Variants in NUP155 observed in about 807,000 individuals in gnomAD.
The protein encoded by NUP155 is nuclear pore complex protein Nup155.
NUP155 carries 71 observed loss-of-function variants against 180.4 expected under a neutral mutation model. The observed-to-expected ratio is 0.39, with a 90% CI of 0.33 to 0.48. The LOEUF (loss-of-function observed/expected upper bound fraction) is 0.48, where lower values mean the gene tolerates loss of function less well. Among genes scored for constraint, NUP155 ranks in the 20% least tolerant of loss-of-function variants. The pLI, the probability that NUP155 is intolerant of heterozygous loss-of-function variation, is 0.91. For missense variants in NUP155, 1,553 were observed against 1,648.9 expected, an observed-to-expected ratio of 0.94 and a Z score of 1.01; for synonymous variants, 582 against 559.5, an observed-to-expected ratio of 1.04 and a Z score of -0.57.
chr5:37,320,839 G>A (rs989910916), intron 20 of NUP155, among the ~76,000 whole-genome samples: 2 of 152,136 alleles, frequency 1.3e-5, no homozygotes, highest in African/African-American at 4.8e-5. Context: ...AGAAGGCAAG[G>A]AAACAAAATG....
intron 16 of NUP155, 133 bp from the exon 17 acceptor site, chr5:37,328,553 G>A (rs1744757682): frequency 6.0e-6 from 4 of 663,160 alleles, no homozygotes; most frequent in African/African-American, 3.6e-5. Flanking sequence ...GCCCAGGCTG[G>A]AGTGCAGTGG....
chr5:37,342,937 G>A (rs1005882936), intron 9 of NUP155, among the ~76,000 whole-genome samples: 4 of 152,026 alleles, frequency 2.6e-5, no homozygotes, highest in Non-Finnish European at 4.4e-5. Flanking sequence ...GGGTTTCATC[G>A]TGTTGGCCAG....
At chr5:37,351,922 A>G (rs1222708763) in intron 5 of NUP155, among the ~76,000 whole-genome samples, 1 of 152,086 alleles carries the variant, frequency 6.6e-6, no homozygotes, top group Non-Finnish European at 1.5e-5. Context: ...TAGTAAGATA[A>G]TAAACAAGAA....
At chr5:37,298,115 T>G (rs992830610) in intron 32 of NUP155, among the ~76,000 whole-genome samples, 4 of 151,972 alleles carry the variant, frequency 2.6e-5, no homozygotes, top group Non-Finnish European at 4.4e-5. Context: ...TGCAGGCACC[T>G]GTAATCCCAC....
chr5:37,313,450 A>C (rs2150951311), intron 22 of NUP155, among the ~76,000 whole-genome samples: 1 of 149,330 alleles, frequency 6.7e-6, no homozygotes, highest in South Asian at 2.2e-4. Flanking sequence ...AAGAAAACAT[A>C]AAATGAAGTA....
At chr5:37,308,566 C>T (rs548117847) in intron 24 of NUP155, among the ~76,000 whole-genome samples, 25 of 152,184 alleles carry the variant, frequency 1.6e-4, no homozygotes, top group African/African-American at 5.3e-4. Context: ...GGCATGGTGG[C>T]AGGCGCCTGT....
At chr5:37,349,674 AATTG>A (rs1255756200) in intron 7 of NUP155, among the ~76,000 whole-genome samples, 1 of 152,194 alleles carries the variant, frequency 6.6e-6, no homozygotes, top group Non-Finnish European at 1.5e-5. Context: ...AGTTTGGCCT[AATTG>A]ATTGTGTGAA....
rs538753498 is a variant in NUP155, at chr5:37,300,194, G to A, written c.3562-626C>T. Among the ~76,000 whole-genome samples, 5 of 152,000 alleles carry A rather than the reference G, an allele frequency of 3.3e-5. No homozygotes were observed. The East Asian group carries it at 7.7e-4, about 23-fold the overall frequency. On this transcript the variant is annotated intron_variant, in intron 30 of 34. Coordinates refer to ENST00000231498, the MANE Select transcript of NUP155 (RefSeq NM_153485.3). ...GTACACAGTAGGTGTATGTATTTATGGGGTACATGAGATGTTCTGATACAG... is the reference window on the plus strand; with the variant it reads ...GTACACAGTAGGTGTATGTATTTATAGGGTACATGAGATGTTCTGATACAG...
At chr5:37,348,390 T>C in intron 9 of NUP155, 115 bp downstream of exon 9, 1 of 757,938 alleles carries the variant, frequency 1.3e-6, no homozygotes, top group East Asian at 2.5e-5. Context: ...TCTTCAACAT[T>C]CCTTGTCTTT....
At chr5:37,320,652 A>T (rs1744187974) in intron 20 of NUP155, among the ~76,000 whole-genome samples, 1 of 152,246 alleles carries the variant, frequency 6.6e-6, no homozygotes, top group African/African-American at 2.4e-5. Context: ...TAAAAACTGT[A>T]AAGATAAATG....
At chr5:37,308,136 G>A (rs938340034) in intron 24 of NUP155, among the ~76,000 whole-genome samples, 2 of 151,954 alleles carry the variant, frequency 1.3e-5, no homozygotes, top group South Asian at 2.1e-4. Context: ...TAAAAAGTAA[G>A]CAGATTATAC....
intron 11 of NUP155, among the ~76,000 whole-genome samples, chr5:37,340,869 G>A (rs1179578408): frequency 6.6e-6 from 1 of 152,072 alleles, no homozygotes; most frequent in Non-Finnish European, 1.5e-5. Flanking sequence ...CGTATATTGC[G>A]TGGTGCTAAG....
chr5:37,364,806 T>C (rs1343598472), intron 1 of NUP155, among the ~76,000 whole-genome samples: 1 of 151,646 alleles, frequency 6.6e-6, no homozygotes, highest in African/African-American at 2.4e-5. Context: ...CCGGCTAATT[T>C]TTTGTATTTT....
intron 4 of NUP155, among the ~76,000 whole-genome samples, chr5:37,354,247 A>C (rs1228503837): frequency 6.6e-6 from 1 of 151,682 alleles, no homozygotes; most frequent in Non-Finnish European, 1.5e-5. Flanking sequence ...CCCGGGTTCA[A>C]GTGATCCTCC....
intron 9 of NUP155, among the ~76,000 whole-genome samples, chr5:37,343,209 G>A (rs186124300): frequency 0.016 from 2,411 of 152,102 alleles, 40 homozygotes; most frequent in South Asian, 0.068. Context: ...CAAGTAGCTG[G>A]GACTACAGGC....
chr5:37,335,031 G>A (rs1207456291), intron 12 of NUP155, among the ~76,000 whole-genome samples: 2 of 151,864 alleles, frequency 1.3e-5, no homozygotes, highest in Admixed American at 6.6e-5. Flanking sequence ...GGTGGCACAC[G>A]CCTGTAATCC....
intron 20 of NUP155, 101 bp downstream of exon 20, chr5:37,323,891 C>A: frequency 1.3e-6 from 1 of 781,360 alleles, no homozygotes; most frequent in Non-Finnish European, 2.2e-6. Flanking sequence ...AAATACTAAA[C>A]TGCACACTTT....
intron 9 of NUP155, among the ~76,000 whole-genome samples, chr5:37,343,720 G>A (rs1234285841): frequency 2.6e-5 from 4 of 151,648 alleles, no homozygotes; most frequent in Non-Finnish European, 5.9e-5. Flanking sequence ...GTGAACCCCC[G>A]TCTCTACTAA....
intron 3 of NUP155, among the ~76,000 whole-genome samples, chr5:37,363,545 A>G (rs756474765): frequency 3.9e-5 from 6 of 152,240 alleles, no homozygotes; most frequent in Non-Finnish European, 8.8e-5. Context: ...CAAGGAAAAC[A>G]GAAGTCTTTA....
Sources: allele counts gnomAD v4.1 joint callset (sites outside exome capture counted in the v4.1 genomes callset), GRCh38; gene constraint gnomAD v4.1.1; transcripts MANE v1.5; gene names NCBI Gene and HGNC (gene_info 2026-07-23, HGNC 2026-07-21).